Variants in RUVBL1 observed in about 807,000 individuals in gnomAD.
RUVBL1 encodes the protein ruvB-like 1.
A neutral mutation model predicts 52.4 loss-of-function variants in RUVBL1; 4 were observed. The observed-to-expected ratio is 0.08, with a 90% confidence interval of 0.04 to 0.17. The LOEUF is 0.17. Among genes scored for constraint, RUVBL1 ranks in the 10% least tolerant of loss-of-function variants. The probability of loss-of-function intolerance (pLI) is 1.00; values close to 1 mark genes in which losing one functional copy is unlikely to be tolerated. For missense variants in RUVBL1, 298 were observed against 572.8 expected (o/e 0.52, Z 4.90); for synonymous variants, 217 against 214.4 (o/e 1.01, Z -0.10).
Position 128,113,016 on chromosome 3 carries a change from G to A in RUVBL1, c.233C>T (p.Ala78Val). 6.2e-7 allele frequency: 1 copy of A among 1,613,682 alleles called. No homozygotes were observed. Among genetic ancestry groups the A allele is most frequent in the Non-Finnish European group, 8.5e-7 (1 of 1,179,906 alleles). Residue 78 changes from alanine (A) to valine (V), a missense_variant, in exon 3 of 11, where the codon GCT (alanine) becomes GTT (valine). Physicochemically the swap from Ala to Val is moderately conservative, Grantham distance 64 (BLOSUM62 0). Transcript: ENST00000322623. ...LAGPPGTGKT[A>V]LALAIAQELG... ...CTCCTGAGCAATAGCCAGAGCCAGA[G>A]CTGTCTACAAAAGAAAGCAACGGAA...
rs539310968 is a variant in RUVBL1, at chr3:128,146,406, CTGTG to C, written c.-40+6793_-40+6796del. Among the ~76,000 whole-genome samples the C allele has an allele frequency of 1.4e-4, 20 of 142,078 alleles. No individual in the cohort carries two copies. In the East Asian group the frequency reaches 3.6e-3, roughly 25 times the overall value. The allele number at this position is 142,078 out of a possible 152,430, so 93.2% of individuals were successfully genotyped here. ...TGTGAGCAAGTGTGTGTGCGTGCAT[CTGTG>C]TGTGTGTCTCTGTGCGTGTGCACGG... On this transcript the variant is annotated intron_variant, in intron 1 of 9. Transcript: ENST00000464873.
intron 3 of RUVBL1, among the ~76,000 whole-genome samples, chr3:128,112,605 GA>G (rs1485047448): frequency 1.3e-5 from 2 of 152,020 alleles, no homozygotes; most frequent in African/African-American, 4.8e-5. Flanking sequence ...AGACTTCCAG[GA>G]AAATATGACT....
chr3:128,120,258 T>C (rs1018760426), intron 1 of RUVBL1, among the ~76,000 whole-genome samples: 16 of 152,326 alleles, frequency 1.1e-4, no homozygotes, highest in African/African-American at 3.1e-4. Context: ...ATCAATGACA[T>C]AGAGTACTAG....
At chr3:128,076,962 CGTGACG>C (rs1020847655), downstream of RUVBL1, among the ~76,000 whole-genome samples, 5 of 151,826 alleles carry the variant, frequency 3.3e-5, no homozygotes, top group Non-Finnish European at 5.9e-5. The surrounding 1 kb of genome is among the most constrained non-coding windows in gnomAD (Gnocchi z 6.8). Context: ...GTGCTGGCGG[CGTGACG>C]GTGACGGTGA....
At chr3:128,090,474 G>A (rs1441447384) in intron 8 of RUVBL1, among the ~76,000 whole-genome samples, 4 of 151,920 alleles carry the variant, frequency 2.6e-5, no homozygotes, top group South Asian at 2.1e-4. Flanking sequence ...TACCGAGATC[G>A]TGTCACTGCA....
rs577584236 is a variant in RUVBL1, at chr3:128,085,087, T to A, written c.1120-2513A>T. ...TTCTTGGAGCCTCCAACACTGGCTA[T>A]TGCGAAGCTGTTGTATGTTGTACGT... On this transcript the variant is annotated intron_variant, in intron 9 of 10. Transcript: ENST00000322623. The A allele has an allele frequency of 1.2e-4, 18 of 152,350 alleles. 1 individual carries two copies. In the South Asian group the frequency reaches 2.7e-3, roughly 23 times the overall value. The allele number at this position is 152,350 out of a possible 1,614,324, so 9.4% of individuals were successfully genotyped here.
At chr3:128,153,736 G>GCCGAGC (rs779646827) in exon 1 of RUVBL1, 112 of 1,545,834 alleles carry the variant, frequency 7.2e-5, no homozygotes, top group African/African-American at 3.9e-4. Context: ...AGCGCCCGAG[G>GCCGAGC]CCGAGCCCGA....
At chr3:128,105,865 C>CTTTT (rs11311563) in intron 3 of RUVBL1, among the ~76,000 whole-genome samples, 24 of 88,886 alleles carry the variant, frequency 2.7e-4, no homozygotes, top group African/African-American at 2.9e-4. Flanking sequence ...TTCCCTTTTT[C>CTTTT]TTTTTTTTTT....
chr3:128,141,900 T>C (rs1056576786), intron 1 of RUVBL1: 2 of 152,306 alleles, frequency 1.3e-5, no homozygotes, highest in African/African-American at 2.4e-5. Flanking sequence ...ATTTTTGTTT[T>C]GTGTGTCATC....
At chr3:128,087,584 A>T (rs1261877750) in intron 9 of RUVBL1, 122 bp downstream of exon 9, 3 of 666,326 alleles carry the variant, frequency 4.5e-6, no homozygotes, top group Middle Eastern at 8.7e-4. Flanking sequence ...CGAGGCCAGT[A>T]GCTAAGTGGT....
intron 4 of RUVBL1, 107 bp from the exon 5 acceptor site, chr3:128,101,755 G>A (rs944148645): frequency 8.9e-7 from 1 of 1,122,248 alleles, no homozygotes; most frequent in South Asian, 1.3e-5. Context: ...CAGGTGCATG[G>A]AGAAAGCCTG....
intron 1 of RUVBL1, 29 bp downstream of exon 1, chr3:128,123,555 C>A (rs754879836): frequency 1.4e-5 from 22 of 1,555,730 alleles, no homozygotes; most frequent in African/African-American, 2.7e-5. Context: ...CTGCTTGCAG[C>A]CCCCAACTCC....
intron 1 of RUVBL1, among the ~76,000 whole-genome samples, chr3:128,148,891 T>G (rs1255606287): frequency 6.6e-6 from 1 of 152,200 alleles, no homozygotes; most frequent in East Asian, 1.9e-4. Flanking sequence ...CTGCATCGTA[T>G]TCCACAGTAT....
At chr3:128,111,319 C>T (rs76936856) in intron 3 of RUVBL1, among the ~76,000 whole-genome samples, 2,169 of 152,126 alleles carry the variant, frequency 0.014, 49 homozygotes, top group African/African-American at 0.048. Flanking sequence ...CACTATGTGC[C>T]AGGAACTGTG....
upstream of RUVBL1, among the ~76,000 whole-genome samples, chr3:128,128,336 G>A (rs555487346): frequency 1.4e-4 from 22 of 152,276 alleles, 1 homozygote; most frequent in South Asian, 4.6e-3. Context: ...GTAACAGAGA[G>A]ATCTAAAATA....
chr3:128,136,623 C>CAAAAA (rs56097921), intron 1 of RUVBL1, among the ~76,000 whole-genome samples: 5 of 112,182 alleles, frequency 4.5e-5, no homozygotes, highest in Admixed American at 9.7e-5. Flanking sequence ...GAGACCCTGT[C>CAAAAA]AAAAAAAAAA....
intron 2 of RUVBL1, 74 bp downstream of exon 2, chr3:128,119,254 A>C: frequency 2.8e-6 from 3 of 1,071,214 alleles, no homozygotes; most frequent in Non-Finnish European, 4.2e-6. Context: ...ACTAGTTAAG[A>C]CATGAATTCA....
At chr3:128,125,550 G>T (rs1324664429), upstream of RUVBL1, among the ~76,000 whole-genome samples, 1 of 152,216 alleles carries the variant, frequency 6.6e-6, no homozygotes, top group African/African-American at 2.4e-5. Context: ...GGCTTCTCAT[G>T]AATTCAATTA....
intron 9 of RUVBL1, among the ~76,000 whole-genome samples, chr3:128,072,757 T>G (rs963797290): frequency 6.6e-6 from 1 of 152,178 alleles, no homozygotes; most frequent in African/African-American, 2.4e-5. Flanking sequence ...AGGCCATCTC[T>G]CGTGCCTCAG....
Sources: allele counts gnomAD v4.1 joint callset (sites outside exome capture counted in the v4.1 genomes callset), GRCh38; gene constraint gnomAD v4.1.1; non-coding constraint Gnocchi (gnomAD v3.1); transcripts MANE v1.5; gene names NCBI Gene and HGNC (gene_info 2026-07-23, HGNC 2026-07-21).